Variants in DGKI observed in about 807,000 individuals in gnomAD.
DGKI encodes DAG kinase iota.
DGKI carries 55 observed loss-of-function variants against 147.5 expected under a neutral mutation model. The ratio of observed to expected loss-of-function variants is 0.37; its 90% CI spans 0.30 to 0.47. DGKI has a LOEUF of 0.47. DGKI is among the 20% of genes least tolerant of loss of function. The pLI is 1.00. For synonymous variants in DGKI, 469 were observed against 477.1 expected, an observed-to-expected ratio of 0.98 and a Z score of 0.22; for missense variants, 1,007 against 1,323.8, an observed-to-expected ratio of 0.76 and a Z score of 3.71.
chr7:137,846,157 TCTCTCACA>T lies in DGKI; in HGVS notation c.401+297_401+304del, dbSNP rs1274136334. 3.6e-5 allele frequency among the ~76,000 whole-genome samples: 5 copies of T among 138,514 alleles called. No homozygotes were observed. Among genetic ancestry groups the T allele is most frequent in the African/African-American group, 1.5e-4 (5 of 33,862 alleles). 90.9% of individuals were successfully genotyped at this position (138,514 alleles called of 152,430 possible). On this transcript the variant is annotated intron_variant, in intron 1 of 32. Transcript: ENST00000614521. This position sits in a 1 kb window ranked among gnomAD's most constrained non-coding sequence, Gnocchi z 4.0. ...CTTTCTCTCTCTCTCTCTCTCTCTC[TCTCTCACA>T]CACACACACACACACACACACACAC...
chr7:137,614,134 C>A (rs2128994684), intron 8 of DGKI, among the ~76,000 whole-genome samples: 1 of 152,166 alleles, frequency 6.6e-6, no homozygotes. Flanking sequence ...CAGCTTGTTC[C>A]CACTCAGTAC....
intron 32 of DGKI, among the ~76,000 whole-genome samples, chr7:137,394,732 A>C (rs147544152): frequency 6.6e-6 from 1 of 152,206 alleles, no homozygotes; most frequent in Non-Finnish European, 1.5e-5. Context: ...TCAGATTTAC[A>C]TAACTTTTGC....
At chr7:137,398,601 G>C (rs942448705) in intron 30 of DGKI, among the ~76,000 whole-genome samples, 1 of 152,024 alleles carries the variant, frequency 6.6e-6, no homozygotes, top group Non-Finnish European at 1.5e-5. Context: ...AGTAAGAAGG[G>C]GTGGAAGAGG....
intron 1 of DGKI, among the ~76,000 whole-genome samples, chr7:137,828,014 A>G (rs1234408868): frequency 6.6e-6 from 1 of 152,180 alleles, no homozygotes; most frequent in Non-Finnish European, 1.5e-5. Flanking sequence ...CCACTCAGAC[A>G]TAAGTGCCCT....
chr7:137,666,123 C>T (rs909848648), intron 3 of DGKI, among the ~76,000 whole-genome samples: 8 of 152,184 alleles, frequency 5.3e-5, no homozygotes, highest in Admixed American at 3.9e-4. Context: ...GTCTGTATCT[C>T]AACAGTTTAC....
At chr7:137,737,864 A>G (rs939333491) in intron 1 of DGKI, among the ~76,000 whole-genome samples, 1 of 152,136 alleles carries the variant, frequency 6.6e-6, no homozygotes, top group Non-Finnish European at 1.5e-5. Flanking sequence ...GGAATCTGAG[A>G]CTTCACCACA....
chr7:137,522,075 T>C (rs773032993), intron 20 of DGKI, 109 bp from the exon 21 acceptor site: 2 of 743,956 alleles, frequency 2.7e-6, no homozygotes, highest in Middle Eastern at 3.8e-4. Context: ...GAAGGAAGAG[T>C]TCACATTCAA....
At chr7:137,755,231 A>G (rs1376484122) in intron 1 of DGKI, among the ~76,000 whole-genome samples, 1 of 152,214 alleles carries the variant, frequency 6.6e-6, no homozygotes, top group African/African-American at 2.4e-5. Context: ...CCAATTCAAT[A>G]TGGTAAGAAA....
rs78509225 is a variant in DGKI at position 137,700,014 on chromosome 7, G to A, written c.402-10012C>T. Among the ~76,000 whole-genome samples, 282 of 152,302 alleles carry A rather than the reference G, an allele frequency of 1.9e-3. 5 individuals carry two copies. In the East Asian group the frequency reaches 0.038, roughly 20 times the overall value. ...GTAGTTAAAATTATTTTCCTAAGCT[G>A]TAATTCAGAGTGCCATAGATATAAT... On this transcript the variant is annotated intron_variant, in intron 1 of 32. Coordinates refer to ENST00000614521, the MANE Select transcript of DGKI (RefSeq NM_001321708.2).
intron 6 of DGKI, among the ~76,000 whole-genome samples, chr7:137,631,151 C>T (rs1043641844): frequency 2.6e-5 from 4 of 152,122 alleles, no homozygotes; most frequent in Non-Finnish European, 5.9e-5. Context: ...AGCCTTAGCT[C>T]GTTGATTGCA....
intron 1 of DGKI, among the ~76,000 whole-genome samples, chr7:137,822,135 G>A (rs946030094): frequency 4.6e-5 from 7 of 152,194 alleles, no homozygotes; most frequent in Admixed American, 6.5e-5. Flanking sequence ...GGCACAGAGC[G>A]GTGGCTGACA....
intron 2 of DGKI, among the ~76,000 whole-genome samples, chr7:137,679,715 C>T (rs982842933): frequency 2.4e-4 from 37 of 151,958 alleles, no homozygotes; most frequent in African/African-American, 8.5e-4. Flanking sequence ...TGGCCAGACA[C>T]GGTGGCTCAC....
chr7:137,830,310 T>C (rs1226983292), intron 1 of DGKI, among the ~76,000 whole-genome samples: 1 of 152,202 alleles, frequency 6.6e-6, no homozygotes, highest in East Asian at 1.9e-4. Flanking sequence ...TATGTAGGTG[T>C]ATCCTGCACC....
At chr7:137,575,547 T>C (rs1339386920) in intron 17 of DGKI, among the ~76,000 whole-genome samples, 1 of 152,194 alleles carries the variant, frequency 6.6e-6, no homozygotes, top group Admixed American at 6.5e-5. Context: ...CGCCTGTAAA[T>C]GCAAAACACA....
intron 27 of DGKI, among the ~76,000 whole-genome samples, chr7:137,460,835 A>G (rs1814411373): frequency 6.6e-6 from 1 of 152,234 alleles, no homozygotes; most frequent in Non-Finnish European, 1.5e-5. Flanking sequence ...GCAAATATAG[A>G]AAAACAATGA....
intron 21 of DGKI, 62 bp downstream of exon 21, chr7:137,521,803 AG>A (rs1816969280): frequency 4.9e-6 from 6 of 1,212,898 alleles, no homozygotes; most frequent in Non-Finnish European, 7.3e-6. Context: ...CATCAAACCA[AG>A]GAGGATCAAG....
At chr7:137,530,514 G>A (rs958738028) in intron 20 of DGKI, among the ~76,000 whole-genome samples, 26 of 152,126 alleles carry the variant, frequency 1.7e-4, no homozygotes, top group African/African-American at 6.3e-4. Flanking sequence ...ATATGACAAT[G>A]TTGCTCTCCC....
intron 30 of DGKI, among the ~76,000 whole-genome samples, chr7:137,402,763 G>A (rs1811807551): frequency 6.6e-6 from 1 of 152,164 alleles, no homozygotes; most frequent in African/African-American, 2.4e-5. Flanking sequence ...GCACAGATGT[G>A]GGGAGAGCTG....
At chr7:137,773,246 A>C (rs1796263362) in intron 1 of DGKI, among the ~76,000 whole-genome samples, 1 of 152,246 alleles carries the variant, frequency 6.6e-6, no homozygotes, top group Non-Finnish European at 1.5e-5. Flanking sequence ...CAAATGCATA[A>C]AATGGTACCA....
Sources: allele counts gnomAD v4.1 joint callset (sites outside exome capture counted in the v4.1 genomes callset), GRCh38; gene constraint gnomAD v4.1.1; non-coding constraint Gnocchi (gnomAD v3.1); transcripts MANE v1.5; gene names NCBI Gene and HGNC (gene_info 2026-07-23, HGNC 2026-07-21).